The following RWDD1 variants were observed in gnomAD, a reference collection of about 807,000 sequenced individuals.
RWDD1 encodes RWD domain containing 1.
Under a neutral mutation model 31.6 loss-of-function variants are expected in RWDD1, and 17 were observed. That is an observed-to-expected ratio of 0.54 (90% CI 0.37 to 0.81). RWDD1 has a LOEUF of 0.81. Among genes scored for constraint, RWDD1 ranks in the 30% least tolerant of loss-of-function variants. The pLI is 0.00. For missense variants in RWDD1, 204 were observed against 274.5 expected, an observed-to-expected ratio of 0.74 and a Z score of 1.82; for synonymous variants, 78 against 94.2, an observed-to-expected ratio of 0.83 and a Z score of 0.99.
At chr6:116,575,727 A>G (rs1329078382) in intron 1 of RWDD1, among the ~76,000 whole-genome samples, 1 of 152,220 alleles carries the variant, frequency 6.6e-6, no homozygotes, top group Non-Finnish European at 1.5e-5. Context: ...TGGCAGCTCT[A>G]TTTCAAGAAT....
In RWDD1 at chr6:116,594,111, C is replaced by G. The variant is rs949458527; in HGVS notation, c.*1010C>G. On this transcript the variant is annotated 3_prime_UTR_variant, in exon 7 of 7. Coordinates refer to ENST00000466444, the MANE Select transcript of RWDD1 (RefSeq NM_015952.4). ...TGGCCAGAGAGTGAGGGTGGAAGTG[C>G]CAGGCTTTTTTTTTTTTTTTAAACT... 6.6e-6 allele frequency: 1 copy of G among 150,612 alleles called. No homozygotes were observed. Among genetic ancestry groups the G allele is most frequent in the African/African-American group, 2.4e-5 (1 of 40,928 alleles). 9.3% of individuals were successfully genotyped at this position (150,612 alleles called of 1,614,324 possible). A position where few individuals can be genotyped will look rare whatever the true frequency, so the allele number is the denominator to read the frequency against.
In RWDD1 at chr6:116,595,222, A is replaced by T. The variant is rs537227272; in HGVS notation, c.*2121A>T. The T allele has an allele frequency of 6.6e-6, 1 of 152,224 alleles. No homozygotes were observed. The highest frequency in any genetic ancestry group is 1.5e-5 in the Non-Finnish European group (1 of 68,040). The allele number at this position is 152,224 out of a possible 1,614,324, so 9.4% of individuals were successfully genotyped here. On this transcript the variant is annotated 3_prime_UTR_variant, in exon 7 of 7. Coordinates refer to ENST00000466444, the MANE Select transcript of RWDD1 (RefSeq NM_015952.4). ...TGTCAAGAATGATAACCTCCCATCCACTTCATGTGATTTTTAAGAATAAAT... is the reference window on the plus strand; with the variant it reads ...TGTCAAGAATGATAACCTCCCATCCTCTTCATGTGATTTTTAAGAATAAAT...
In RWDD1 at chr6:116,590,870, CTTTTT is replaced by C; in HGVS notation, c.548-7_548-3del. Reference sequence around the variant, plus strand: ...AACTATGCCATTTGAATTAAACATACTTTTTTTTTTTTTTTAGGGAAACAACTATT... The same window carrying C: ...AACTATGCCATTTGAATTAAACATACTTTTTTTTTTAGGGAAACAACTATT... On this transcript the variant is annotated splice_polypyrimidine_tract_variant and intron_variant, in intron 5 of 6. Coordinates refer to ENST00000466444, the MANE Select transcript of RWDD1 (RefSeq NM_015952.4). 6.7e-7 allele frequency: 1 copy of C among 1,483,482 alleles called. No homozygotes were observed. Among genetic ancestry groups the C allele is most frequent in the Non-Finnish European group, 9.0e-7 (1 of 1,117,204 alleles). The allele number at this position is 1,483,482 out of a possible 1,614,324, so 91.9% of individuals were successfully genotyped here. A position where few individuals can be genotyped will look rare whatever the true frequency, so the allele number is the denominator to read the frequency against.
chr6:116,574,642 A>G (rs942638658), intron 1 of RWDD1, among the ~76,000 whole-genome samples: 1 of 139,868 alleles, frequency 7.1e-6, no homozygotes, highest in Non-Finnish European at 1.5e-5. Flanking sequence ...TGTGGCCAAC[A>G]ACTTACTTTC....
rs922876830 is a variant in RWDD1, at chr6:116,595,146, A to G, written c.*2045A>G. The G allele has an allele frequency of 2.0e-5, 3 of 152,246 alleles. No individual in the cohort carries two copies. Among genetic ancestry groups the G allele is most frequent in the Non-Finnish European group, 2.9e-5 (2 of 68,046 alleles). 9.4% of individuals were successfully genotyped at this position (152,246 alleles called of 1,614,324 possible). A position where few individuals can be genotyped will look rare whatever the true frequency, so the allele number is the denominator to read the frequency against. On this transcript the variant is annotated 3_prime_UTR_variant, in exon 7 of 7. Transcript: ENST00000466444. ...CTGCTCAATTAAGGTTAAAAAAAAT[A>G]AAAAGCAATTGTTAGCAATGTGGTG...
In RWDD1 at chr6:116,581,393, C is replaced by T. The variant is rs540124184; in HGVS notation, c.139+1033C>T. Among the ~76,000 whole-genome samples, 26 of 151,982 alleles carry T rather than the reference C, an allele frequency of 1.7e-4. 1 individual carries two copies. Among genetic ancestry groups the T allele is most frequent in the South Asian group, 1.0e-3 (5 of 4,828 alleles). ...CCAAATAAAATTTTCTTTAAGATTA[C>T]GCTGAAATGAAAAATAAAATATAAA... On this transcript the variant is annotated intron_variant, in intron 2 of 6. Coordinates refer to ENST00000466444, the MANE Select transcript of RWDD1 (RefSeq NM_015952.4).
At chr6:116,588,817 C>T (rs1248089541) in intron 3 of RWDD1, 25 bp from the exon 4 acceptor site, 2 of 1,496,556 alleles carry the variant, frequency 1.3e-6, no homozygotes, top group Non-Finnish European at 8.8e-7. Context: ...AGAGTTATTC[C>T]TCATCACCTT....
At chr6:116,589,423 T>C (rs951146975) in intron 4 of RWDD1, among the ~76,000 whole-genome samples, 1 of 152,198 alleles carries the variant, frequency 6.6e-6, no homozygotes, top group Non-Finnish European at 1.5e-5. Context: ...TTCAAAGCTG[T>C]CCTGGGCTGC....
chr6:116,588,750 A>C (rs551473238), intron 3 of RWDD1, 92 bp from the exon 4 acceptor site: 59 of 774,104 alleles, frequency 7.6e-5, no homozygotes, highest in Admixed American at 5.4e-4. Context: ...AACTGTATGA[A>C]CATAGAATAT....
chr6:116,572,461 A>G (rs1774756620), intron 1 of RWDD1: 1 of 152,228 alleles, frequency 6.6e-6, no homozygotes, highest in Admixed American at 6.5e-5. Flanking sequence ...TGAGATTGAG[A>G]GAGCAGAAGA....
chr6:116,586,090 C>G (rs1775035059), intron 3 of RWDD1, among the ~76,000 whole-genome samples: 1 of 152,172 alleles, frequency 6.6e-6, no homozygotes, highest in Non-Finnish European at 1.5e-5. Context: ...TGTACTCAAA[C>G]TGTCTCTTTT....
intron 1 of RWDD1, chr6:116,573,109 A>T (rs1282601308): frequency 5.4e-6 from 3 of 554,914 alleles, no homozygotes; most frequent in East Asian, 2.9e-4. Context: ...AGTACTTTGG[A>T]AACATACTAG....
Position 116,590,915 on chromosome 6 carries a change from A to G in RWDD1, c.575A>G (p.Asn192Ser). 6.4e-7 allele frequency: 1 copy of G among 1,571,330 alleles called. No homozygotes were observed. The highest frequency in any genetic ancestry group is 8.6e-7 in the Non-Finnish European group (1 of 1,166,698). ...AAACAACTATTTGAAACAGATCATA[A>G]TCTTGACACATCTGATATCCAGTTC... ...SGKQLFETDH[N>S]LDTSDIQFLE... The change falls in exon 6 of 7, where the codon AAT (asparagine) becomes AGT (serine). Residue 192 changes from asparagine to serine, a missense_variant. Transcript: ENST00000466444.
intron 2 of RWDD1, among the ~76,000 whole-genome samples, chr6:116,581,437 C>T (rs1364492281): frequency 6.6e-6 from 1 of 151,896 alleles, no homozygotes; most frequent in Non-Finnish European, 1.5e-5. Flanking sequence ...GTGAGAGCTC[C>T]CATATTCTGA....
intron 2 of RWDD1, among the ~76,000 whole-genome samples, chr6:116,584,452 G>A (rs996902616): frequency 6.6e-6 from 1 of 152,176 alleles, no homozygotes; most frequent in African/African-American, 2.4e-5. Context: ...AAAAAGTGAC[G>A]TTTATCCACC....
At position 116,592,977 on chromosome 6, in the gene RWDD1, C is replaced by A; in HGVS notation, c.611-3C>A. On this transcript the variant is annotated splice_region_variant and splice_polypyrimidine_tract_variant and intron_variant, in intron 6 of 6. Transcript: ENST00000466444. Reference sequence around the variant, plus strand: ...TTTTTTTTTTTTTGGTTGCCTTTTGCAGCTGGAAACAACGTGGAGGTAGAT... The same window carrying A: ...TTTTTTTTTTTTTGGTTGCCTTTTGAAGCTGGAAACAACGTGGAGGTAGAT... 6.3e-7 allele frequency: 1 copy of A among 1,583,430 alleles called. No individual in the cohort carries two copies. The highest frequency in any genetic ancestry group is 1.9e-5 in the Admixed American group (1 of 52,380).
At chr6:116,591,341 A>G (rs1052895612) in intron 6 of RWDD1, among the ~76,000 whole-genome samples, 5 of 152,344 alleles carry the variant, frequency 3.3e-5, no homozygotes, top group African/African-American at 9.6e-5. Context: ...GAAGTAGACA[A>G]TGATGATCAC....
At position 116,596,691 on chromosome 6, in the gene RWDD1, C is replaced by T. The variant is rs1360566648; in HGVS notation, c.*3590C>T. 1 of 152,038 alleles carries T rather than the reference C, an allele frequency of 6.6e-6. No individual in the cohort carries two copies. The highest frequency in any genetic ancestry group is 6.6e-5 in the Admixed American group (1 of 15,266). 9.4% of individuals were successfully genotyped at this position (152,038 alleles called of 1,614,324 possible). A position where few individuals can be genotyped will look rare whatever the true frequency, so the allele number is the denominator to read the frequency against. On this transcript the variant is annotated 3_prime_UTR_variant, in exon 7 of 7. Coordinates refer to ENST00000466444, the MANE Select transcript of RWDD1 (RefSeq NM_015952.4). The stretch of plus-strand genomic sequence containing the variant: ...TAAAAAAATACACAAATTTCTTTTG[C>T]AGTTATTGATTTGGAATGATCACTT...
rs1775187929 is a variant in RWDD1 at position 116,593,596 on chromosome 6, GCCTT to G, written c.*500_*503del. Reference sequence around the variant, plus strand: ...ATGATCATAAGTAAGATGAAGTTTAGCCTTCCTTTTAGTCCATTTTGTATTGCCG... The same window carrying G: ...ATGATCATAAGTAAGATGAAGTTTAGCCTTTTAGTCCATTTTGTATTGCCG... On this transcript the variant is annotated 3_prime_UTR_variant, in exon 7 of 7. Coordinates refer to ENST00000466444, the MANE Select transcript of RWDD1 (RefSeq NM_015952.4). The G allele has an allele frequency of 6.6e-6, 1 of 152,282 alleles. No individual in the cohort carries two copies. The highest frequency in any genetic ancestry group is 2.1e-4 in the South Asian group (1 of 4,836). 9.4% of individuals were successfully genotyped at this position (152,282 alleles called of 1,614,324 possible).
Sources: gnomAD v4.1 joint callset for allele counts (sites outside exome capture counted in the v4.1 genomes callset) on GRCh38, gnomAD v4.1.1 for gene constraint, MANE v1.5 for transcripts, NCBI Gene and HGNC (gene_info 2026-07-23, HGNC 2026-07-21) for gene names.